The following SPECC1L variants were observed in gnomAD, a reference collection of about 807,000 sequenced individuals.
SPECC1L encodes the protein sperm antigen with calponin homology and coiled-coil domains 1 like.
SPECC1L carries 40 observed loss-of-function variants against 116.8 expected under a neutral mutation model. The observed-to-expected ratio is 0.34, with a 90% CI of 0.27 to 0.45. SPECC1L has a LOEUF of 0.45. SPECC1L is among the 20% of genes least tolerant of loss of function. The probability of loss-of-function intolerance (pLI) is 1.00; values close to 1 mark genes in which losing one functional copy is unlikely to be tolerated. For missense variants in SPECC1L, 1,110 were observed against 1,373.6 expected (o/e 0.81, Z 3.03); for synonymous variants, 504 against 500.6 (o/e 1.01, Z -0.09).
At chr22:24,353,418 A>G (rs2041464796) in intron 11 of SPECC1L, among the ~76,000 whole-genome samples, 1 of 152,008 alleles carries the variant, frequency 6.6e-6, no homozygotes, top group African/African-American at 2.4e-5. Context: ...AGTTGAGTTT[A>G]TGGAGTTTTT....
intron 2 of SPECC1L, among the ~76,000 whole-genome samples, chr22:24,281,089 G>A (rs1346273797): frequency 6.6e-6 from 1 of 152,174 alleles, no homozygotes; most frequent in Admixed American, 6.5e-5. Context: ...AAGGTAGTAT[G>A]TAAGAGGAAA....
intron 2 of SPECC1L, among the ~76,000 whole-genome samples, chr22:24,296,568 T>TG (rs2049267309): frequency 6.6e-6 from 1 of 152,234 alleles, no homozygotes; most frequent in Non-Finnish European, 1.5e-5. Flanking sequence ...TGAGCAAAGT[T>TG]GGAGAAGAGA....
chr22:24,390,867 C>CTTT lies in SPECC1L; in HGVS notation c.3088-20719_3088-20717dup, dbSNP rs1556306072. Among the ~76,000 whole-genome samples, 50 of 47,594 alleles carry CTTT rather than the reference C, an allele frequency of 1.1e-3. 1 individual carries two copies. The highest frequency in any genetic ancestry group is 1.9e-3 in the South Asian group (3 of 1,542). The allele number at this position is 47,594 out of a possible 152,430, so 31.2% of individuals were successfully genotyped here. On this transcript the variant is annotated intron_variant, in intron 14 of 16. Transcript: ENST00000314328. ...GCCTGTGTTCCTTTTTTTTTTTTTT[C>CTTT]TTTTCTTTTTTTTTTTTTTTTTTTT...
At chr22:24,412,391 A>G (rs1203744492) in intron 15 of SPECC1L, 1 of 573,542 alleles carries the variant, frequency 1.7e-6, no homozygotes, top group African/African-American at 1.9e-5. Flanking sequence ...GGTGCGGCAG[A>G]AGTAGGATTC....
rs1490680872 is a variant in SPECC1L at position 24,338,485 on chromosome 22, C to T, written c.2652+8C>T. ...GCTGTGTCCCCTATGCAGGTGAGTG[C>T]CTGGAACCACAGGAGGCTCTTAGAG... On this transcript the variant is annotated splice_region_variant and intron_variant, in intron 10 of 16. Coordinates refer to ENST00000314328, the MANE Select transcript of SPECC1L (RefSeq NM_015330.6). 5 of 1,613,204 alleles carry T rather than the reference C, an allele frequency of 3.1e-6. No homozygotes were observed. In the African/African-American group the frequency reaches 6.7e-5, roughly 22 times the overall value.
intron 6 of SPECC1L, among the ~76,000 whole-genome samples, chr22:24,326,909 T>G (rs953071437): frequency 6.6e-6 from 1 of 152,220 alleles, no homozygotes; most frequent in African/African-American, 2.4e-5. Flanking sequence ...TTATTTGTAA[T>G]AATTATTATT....
At chr22:24,275,027 T>C (rs909773459) in intron 1 of SPECC1L, among the ~76,000 whole-genome samples, 5 of 152,238 alleles carry the variant, frequency 3.3e-5, no homozygotes, top group African/African-American at 1.2e-4. Context: ...TTTCCTCCGA[T>C]TAAATTAATG....
chr22:24,288,413 T>C (rs2049087324), intron 2 of SPECC1L, among the ~76,000 whole-genome samples: 1 of 151,860 alleles, frequency 6.6e-6, no homozygotes, highest in Admixed American at 6.6e-5. Context: ...TACAAAATTG[T>C]CCCCTACCCC....
chr22:24,343,678 C>T (rs2041228513), intron 10 of SPECC1L: 9 of 204,546 alleles, frequency 4.4e-5, no homozygotes, highest in Non-Finnish European at 7.2e-5. Context: ...CCAGGCTTGT[C>T]TCAAATTCCT....
chr22:24,363,278 T>C lies in SPECC1L; in HGVS notation c.2761T>C (p.Ser921Pro). 1 of 1,614,188 alleles carries C rather than the reference T, an allele frequency of 6.2e-7. No individual in the cohort carries two copies. The highest frequency in any genetic ancestry group is 8.5e-7 in the Non-Finnish European group (1 of 1,180,016). Residue 921 changes from serine to proline, a missense_variant, in exon 12 of 17, where the codon TCT (serine) becomes CCT (proline). Around this residue, in one of 4 missense-constraint regions of SPECC1L, gnomAD observed 575 missense variants for 682.4 expected, o/e 0.84. Transcript: ENST00000314328. ...TTGTACAGAGCATCTGTTAAGAACA[T>C]CTTCAGCCAGCCGGCCTGCTTCCCT... ...IPVQEHLLRT[S>P]SASRPASLPR... is the part of the protein sequence containing the mutation.
rs541595246 is a variant in SPECC1L at position 24,318,981 on chromosome 22, C to T, written c.308-2307C>T. 1.1e-4 allele frequency among the ~76,000 whole-genome samples: 16 copies of T among 151,988 alleles called. No individual in the cohort carries two copies. The South Asian group carries it at 1.5e-3, about 14-fold the overall frequency. ...TGGCCTCCGTATACAGTTGTTTATC[C>T]CAGTCTGGTTACTCTTGCCTTTGAT... On this transcript the variant is annotated intron_variant, in intron 4 of 16. Transcript: ENST00000314328.
At chr22:24,324,080 C>T (rs1371768111) in intron 5 of SPECC1L, 140 bp from the exon 6 acceptor site, 1 of 694,250 alleles carries the variant, frequency 1.4e-6, no homozygotes, top group Non-Finnish European at 2.6e-6. Context: ...TACTTTTTAA[C>T]AGTTATTACA....
At chr22:24,323,728 T>TAA (rs2040765735) in intron 5 of SPECC1L, among the ~76,000 whole-genome samples, 1 of 152,248 alleles carries the variant, frequency 6.6e-6, no homozygotes, top group African/African-American at 2.4e-5. Flanking sequence ...TGATCACTTT[T>TAA]AAAGTTACAG....
chr22:24,330,578 C>T, intron 8 of SPECC1L, 147 bp downstream of exon 8: 1 of 812,390 alleles, frequency 1.2e-6, no homozygotes, highest in South Asian at 1.5e-5. Context: ...TTCTGGGCCT[C>T]ATTTTATGGC....
chr22:24,380,879 A>C (rs189041888), intron 14 of SPECC1L, among the ~76,000 whole-genome samples: 96 of 152,244 alleles, frequency 6.3e-4, no homozygotes, highest in African/African-American at 2.2e-3. Context: ...CTCTTTTTTA[A>C]AAATTAGTGC....
At chr22:24,355,181 G>T (rs1319708997) in intron 11 of SPECC1L, among the ~76,000 whole-genome samples, 1 of 150,822 alleles carries the variant, frequency 6.6e-6, no homozygotes, top group Non-Finnish European at 1.5e-5. Context: ...TACTCAGGAG[G>T]CTGAGGCATG....
chr22:24,324,539 C>T, intron 6 of SPECC1L, 112 bp downstream of exon 6: 1 of 1,000,492 alleles, frequency 1.0e-6, no homozygotes, highest in Non-Finnish European at 1.5e-6. Context: ...GCCTGTAATT[C>T]CAGCACTTTG....
At chr22:24,274,510 A>C in intron 1 of SPECC1L, among the ~76,000 whole-genome samples, 1 of 152,316 alleles carries the variant, frequency 6.6e-6, no homozygotes, top group Admixed American at 6.5e-5. Flanking sequence ...CATTCTGAAG[A>C]CTGACTGACT....
chr22:24,282,600 C>T (rs2048964573), intron 2 of SPECC1L, among the ~76,000 whole-genome samples: 2 of 152,078 alleles, frequency 1.3e-5, no homozygotes, highest in East Asian at 3.9e-4. Flanking sequence ...ATATTAGCTA[C>T]AGGTATTTCA....
Sources: gnomAD v4.1 joint callset for allele counts (sites outside exome capture counted in the v4.1 genomes callset) on GRCh38, gnomAD v4.1.1 for gene constraint, gnomAD v4.1.1 regional missense constraint, MANE v1.5 for transcripts, NCBI Gene and HGNC (gene_info 2026-07-23, HGNC 2026-07-21) for gene names.